TNIK: variants seen among roughly 807,000 people sequenced by gnomAD.
TNIK encodes TRAF2 and NCK-interacting protein kinase.
TNIK carries 49 observed loss-of-function variants against 191.3 expected under a neutral mutation model. The observed-to-expected ratio is 0.26, with a 90% CI of 0.20 to 0.32. The LOEUF (loss-of-function observed/expected upper bound fraction) is 0.32, where lower values mean the gene tolerates loss of function less well. Among genes scored for constraint, TNIK ranks in the 10% least tolerant of loss-of-function variants. The pLI is 1.00. For synonymous variants in TNIK, 594 were observed against 600.9 expected (o/e 0.99, Z 0.17); for missense variants, 1,155 against 1,702.3 (o/e 0.68, Z 5.66).
intron 2 of TNIK, among the ~76,000 whole-genome samples, chr3:171,360,899 T>C (rs1245626819): frequency 1.3e-5 from 2 of 152,218 alleles, no homozygotes; most frequent in African/African-American, 4.8e-5. Flanking sequence ...TTTTCATGTC[T>C]CTCCACCCAG....
At chr3:171,163,004 A>G (rs1250425082) in intron 10 of TNIK, among the ~76,000 whole-genome samples, 1 of 152,252 alleles carries the variant, frequency 6.6e-6, no homozygotes, top group Non-Finnish European at 1.5e-5. Context: ...TTGGAAGGTC[A>G]GTGGCCCTTC....
intron 13 of TNIK, 30 bp downstream of exon 13, chr3:171,140,369 C>T (rs1415249572): frequency 1.3e-6 from 2 of 1,514,818 alleles, no homozygotes; most frequent in Non-Finnish European, 1.8e-6. Flanking sequence ...CCCGGGGGGC[C>T]ATCAGTGGGG....
chr3:171,369,022 A>G (rs941192617), intron 2 of TNIK, among the ~76,000 whole-genome samples: 1 of 151,976 alleles, frequency 6.6e-6, no homozygotes, highest in African/African-American at 2.4e-5. Flanking sequence ...TGGGGAAAAT[A>G]CCTTTTAAAA....
intron 18 of TNIK, among the ~76,000 whole-genome samples, chr3:171,114,620 C>T (rs1410015893): frequency 1.3e-5 from 2 of 152,184 alleles, no homozygotes; most frequent in African/African-American, 2.4e-5. Context: ...TAAATATGTT[C>T]TCATGATTCA....
At chr3:171,344,185 T>C (rs531740645) in intron 2 of TNIK, among the ~76,000 whole-genome samples, 2 of 152,338 alleles carry the variant, frequency 1.3e-5, no homozygotes, top group East Asian at 1.9e-4. Context: ...AGCACAGCTT[T>C]AGTATTCATT....
intron 10 of TNIK, among the ~76,000 whole-genome samples, chr3:171,163,055 T>C (rs1472848064): frequency 6.6e-6 from 1 of 152,132 alleles, no homozygotes; most frequent in Non-Finnish European, 1.5e-5. Flanking sequence ...AAAAGGACAC[T>C]CTAAGCAACA....
chr3:171,283,055 C>T (rs1049179959), intron 2 of TNIK, among the ~76,000 whole-genome samples: 3 of 151,806 alleles, frequency 2.0e-5, no homozygotes, highest in African/African-American at 4.8e-5. Context: ...AATAAGAAAA[C>T]GTGACCTTTA....
intron 15 of TNIK, among the ~76,000 whole-genome samples, chr3:171,133,140 G>A (rs1729539500): frequency 6.6e-6 from 1 of 152,174 alleles, no homozygotes; most frequent in South Asian, 2.1e-4. Context: ...CATTCATAAG[G>A]AATGCTTAAG....
intron 23 of TNIK, among the ~76,000 whole-genome samples, chr3:171,090,885 A>G (rs1441437586): frequency 2.0e-5 from 3 of 152,124 alleles, no homozygotes; most frequent in African/African-American, 7.2e-5. Context: ...CATCTAGTCC[A>G]CTCCACAAGA....
At chr3:171,439,104 G>A (rs1726413387) in intron 1 of TNIK, among the ~76,000 whole-genome samples, 1 of 152,154 alleles carries the variant, frequency 6.6e-6, no homozygotes. Context: ...CAGCACTTTG[G>A]GAGGCCGAGG....
At chr3:171,288,175 G>C (rs1453736617) in intron 2 of TNIK, among the ~76,000 whole-genome samples, 2 of 113,602 alleles carry the variant, frequency 1.8e-5, no homozygotes, top group African/African-American at 6.7e-5. Context: ...TGGTGGGGAG[G>C]GGGGAGGGGG....
At position 171,160,761 on chromosome 3, in the gene TNIK, T is replaced by C. The variant is rs1312045884; in HGVS notation, c.1016+509A>G. On this transcript the variant is annotated intron_variant, in intron 11 of 32. Coordinates refer to ENST00000436636, the MANE Select transcript of TNIK (RefSeq NM_015028.4). The stretch of plus-strand genomic sequence containing the variant: ...ACAGGAATGGCCCAAAAGTATTTGT[T>C]TGGAGTTCATCTCTACATATAATTT... 2.6e-5 allele frequency among the ~76,000 whole-genome samples: 4 copies of C among 152,246 alleles called. No homozygotes were observed. In the East Asian group the frequency reaches 5.8e-4, roughly 22 times the overall value.
intron 18 of TNIK, among the ~76,000 whole-genome samples, chr3:171,114,350 T>A (rs1027856583): frequency 6.6e-6 from 1 of 152,248 alleles, no homozygotes; most frequent in Non-Finnish European, 1.5e-5. Context: ...ACCAAGTATG[T>A]ATCAGGCACT....
At chr3:171,209,551 T>C (rs1377976620) in intron 4 of TNIK, among the ~76,000 whole-genome samples, 1 of 152,192 alleles carries the variant, frequency 6.6e-6, no homozygotes, top group African/African-American at 2.4e-5. Context: ...CATATATCTC[T>C]CTTTAGGATT....
intron 21 of TNIK, among the ~76,000 whole-genome samples, chr3:171,104,073 TAAAGGA>T: frequency 5.4e-4 from 1 of 1,854 alleles, no homozygotes; most frequent in Non-Finnish European, 1.3e-3. Flanking sequence ...CAATTAAACT[TAAAGGA>T]AATTTTCAAT....
chr3:171,175,930 GAGGATTA>G (rs1398183362), intron 8 of TNIK, among the ~76,000 whole-genome samples: 1 of 152,180 alleles, frequency 6.6e-6, no homozygotes, highest in Non-Finnish European at 1.5e-5. Flanking sequence ...AGGAAGCCCA[GAGGATTA>G]AGTCACACAG....
At chr3:171,299,891 A>G (rs1422114684) in intron 2 of TNIK, among the ~76,000 whole-genome samples, 1 of 152,232 alleles carries the variant, frequency 6.6e-6, no homozygotes, top group Non-Finnish European at 1.5e-5. Context: ...GAGACAATTT[A>G]TGGCATTTCA....
At chr3:171,068,562 C>A (rs536791034) in intron 30 of TNIK, among the ~76,000 whole-genome samples, 1 of 152,118 alleles carries the variant, frequency 6.6e-6, no homozygotes, top group South Asian at 2.1e-4. Flanking sequence ...ATAATTCATG[C>A]CCTTGAAAGA....
chr3:171,349,746 T>C (rs1443929812), intron 2 of TNIK, among the ~76,000 whole-genome samples: 3 of 152,198 alleles, frequency 2.0e-5, no homozygotes, highest in African/African-American at 7.2e-5. Context: ...GTAAAGGATA[T>C]TTTCCCCACT....
Sources: gnomAD v4.1 joint callset for allele counts (sites outside exome capture counted in the v4.1 genomes callset) on GRCh38, gnomAD v4.1.1 for gene constraint, MANE v1.5 for transcripts, NCBI Gene and HGNC (gene_info 2026-07-23, HGNC 2026-07-21) for gene names.